ADGRL3: variants seen among roughly 807,000 people sequenced by gnomAD.
ADGRL3 encodes the protein calcium-independent alpha-latrotoxin receptor 3.
Under a neutral mutation model 153.5 loss-of-function variants are expected in ADGRL3, and 62 were observed. The ratio of observed to expected loss-of-function variants is 0.40; its 90% CI spans 0.33 to 0.50. The LOEUF (loss-of-function observed/expected upper bound fraction) is 0.50, where lower values mean the gene tolerates loss of function less well. ADGRL3 is among the 20% of genes least tolerant of loss of function. ADGRL3 has a pLI of 0.47. For synonymous variants in ADGRL3, 710 were observed against 672.5 expected, an observed-to-expected ratio of 1.06 and a Z score of -0.86; for missense variants, 1,641 against 1,859.4, an observed-to-expected ratio of 0.88 and a Z score of 2.16.
intron 5 of ADGRL3, among the ~76,000 whole-genome samples, chr4:61,637,089 C>T (rs1261674229): frequency 1.4e-4 from 21 of 152,144 alleles, no homozygotes; most frequent in Admixed American, 1.3e-3. Context: ...CAGAGAGCCA[C>T]TGTTACAGGT....
chr4:61,947,807 CTT>C (rs1452443673), intron 16 of ADGRL3, among the ~76,000 whole-genome samples: 2 of 152,102 alleles, frequency 1.3e-5, no homozygotes, highest in African/African-American at 4.8e-5. Context: ...CAATTAACCT[CTT>C]TATTTTGCAA....
intron 25 of ADGRL3, among the ~76,000 whole-genome samples, chr4:62,055,372 TA>T (rs1288720298): frequency 6.6e-6 from 1 of 151,776 alleles, no homozygotes; most frequent in African/African-American, 2.4e-5. Context: ...AATTAGCTAT[TA>T]AAAGAAGCTG....
In ADGRL3 at chr4:61,561,310, A is replaced by G. The variant is rs150727171; in HGVS notation, c.260-25917A>G. On this transcript the variant is annotated intron_variant, in intron 4 of 26. Transcript: ENST00000683033. ...ATCTTCTGGTTTAAGACAATTGTTG[A>G]GAAAGTAATGTATATGTTGGAAAAT... Among the ~76,000 whole-genome samples the G allele has an allele frequency of 8.3e-4, 127 of 152,294 alleles. No homozygotes were observed. The East Asian group carries it at 0.022, about 26-fold the overall frequency.
At chr4:61,341,985 G>T (rs1466616316) in intron 1 of ADGRL3, among the ~76,000 whole-genome samples, 1 of 152,024 alleles carries the variant, frequency 6.6e-6, no homozygotes, top group Non-Finnish European at 1.5e-5. Flanking sequence ...ATAGGAGCTT[G>T]ATATTTTCAG....
At chr4:61,840,054 C>G (rs141364934) in intron 9 of ADGRL3, among the ~76,000 whole-genome samples, 321 of 151,172 alleles carry the variant, frequency 2.1e-3, no homozygotes, top group African/African-American at 7.5e-3. Context: ...ATGAATTAAC[C>G]ATCAACTAGT....
chr4:61,877,110 G>A (rs1004052091), intron 9 of ADGRL3, among the ~76,000 whole-genome samples: 3 of 152,058 alleles, frequency 2.0e-5, no homozygotes, highest in Non-Finnish European at 4.4e-5. Context: ...TGATGAAATC[G>A]ATGGGAGTTT....
At chr4:61,271,027 C>T (rs2093143833) in intron 1 of ADGRL3, among the ~76,000 whole-genome samples, 1 of 151,626 alleles carries the variant, frequency 6.6e-6, no homozygotes, top group Admixed American at 6.6e-5. Context: ...GACACCTTCC[C>T]TTAGAAAATG....
At chr4:61,980,597 G>A (rs185381409) in intron 18 of ADGRL3, among the ~76,000 whole-genome samples, 11 of 151,794 alleles carry the variant, frequency 7.2e-5, no homozygotes, top group African/African-American at 2.2e-4. Context: ...TTGCCACCAA[G>A]CCCAGCTAAT....
intron 8 of ADGRL3, among the ~76,000 whole-genome samples, chr4:61,781,506 G>A (rs565529022): frequency 1.4e-4 from 21 of 152,142 alleles, no homozygotes; most frequent in African/African-American, 5.1e-4. Context: ...TAGTGAGTTA[G>A]GGTGAGTAGT....
intron 1 of ADGRL3, among the ~76,000 whole-genome samples, chr4:61,312,936 C>A (rs2095065727): frequency 6.6e-6 from 1 of 152,120 alleles, no homozygotes; most frequent in African/African-American, 2.4e-5. Flanking sequence ...TTTGCAGCAG[C>A]CTCATTCTTA....
intron 9 of ADGRL3, among the ~76,000 whole-genome samples, chr4:61,874,789 CTTTTTTTTTTTTT>C (rs11432355): frequency 2.0e-4 from 12 of 61,520 alleles, no homozygotes; most frequent in East Asian, 1.9e-3. Context: ...TCAAAATGCT[CTTTTTTTTTTTTT>C]TTTTTTTTTT....
intron 2 of ADGRL3, among the ~76,000 whole-genome samples, chr4:61,479,221 C>T (rs2098103929): frequency 6.6e-6 from 1 of 152,020 alleles, no homozygotes; most frequent in East Asian, 1.9e-4. Flanking sequence ...CTAAGTTTTC[C>T]TTATATAATC....
At chr4:61,265,046 G>A (rs2092764085) in intron 1 of ADGRL3, among the ~76,000 whole-genome samples, 1 of 151,848 alleles carries the variant, frequency 6.6e-6, no homozygotes, top group Non-Finnish European at 1.5e-5. Context: ...CTTGGAAAAG[G>A]TAGGGAAGAA....
chr4:61,378,173 A>G (rs2096626748), intron 1 of ADGRL3, among the ~76,000 whole-genome samples: 1 of 152,112 alleles, frequency 6.6e-6, no homozygotes, highest in African/African-American at 2.4e-5. Context: ...TAGGACCCCC[A>G]TTGTTCTTAC....
chr4:61,567,373 A>G (rs534369259), intron 4 of ADGRL3, among the ~76,000 whole-genome samples: 1 of 152,274 alleles, frequency 6.6e-6, no homozygotes, highest in Non-Finnish European at 1.5e-5. Flanking sequence ...CTAATGACCA[A>G]TATGATATCA....
rs553624351 is a variant in ADGRL3 at position 61,412,799 on chromosome 4, A to G, written c.-174+29610A>G. ...TAGAGACTTTCTATTTGTTGCTAAG[A>G]TGGTGTTCTATCATTTGTTTTCATG... On this transcript the variant is annotated intron_variant, in intron 2 of 26. Coordinates refer to ENST00000683033, the MANE Select transcript of ADGRL3 (RefSeq NM_001387552.1). Among the ~76,000 whole-genome samples the G allele has an allele frequency of 2.6e-4, 39 of 152,048 alleles. No individual in the cohort carries two copies. The East Asian group carries it at 5.0e-3, about 20-fold the overall frequency.
chr4:61,286,081 G>C lies in ADGRL3; in HGVS notation c.-240+84316G>C, dbSNP rs566513959. Among the ~76,000 whole-genome samples the C allele has an allele frequency of 6.5e-4, 98 of 150,980 alleles. 3 individuals carry two copies. The highest frequency in any genetic ancestry group is 3.0e-4 in the Non-Finnish European group (20 of 67,580). ...TCAGAATCATTTAAAAATGAAACTA[G>C]ATCTTAAATATATTAAAATATTTTG... On this transcript the variant is annotated intron_variant, in intron 1 of 26. Transcript: ENST00000683033.
intron 1 of ADGRL3, among the ~76,000 whole-genome samples, chr4:61,369,602 C>G (rs1004692883): frequency 6.6e-6 from 1 of 152,064 alleles, no homozygotes; most frequent in Non-Finnish European, 1.5e-5. Flanking sequence ...GGTGGATAAG[C>G]TTTTTGATGT....
chr4:61,795,518 TC>T (rs140781104), intron 8 of ADGRL3, among the ~76,000 whole-genome samples: 1 of 152,306 alleles, frequency 6.6e-6, no homozygotes, highest in East Asian at 1.9e-4. Flanking sequence ...ATTGAGCAAA[TC>T]ATTTGAACTC....
Sources: gnomAD v4.1 joint callset for allele counts (sites outside exome capture counted in the v4.1 genomes callset) on GRCh38, gnomAD v4.1.1 for gene constraint, MANE v1.5 for transcripts, NCBI Gene and HGNC (gene_info 2026-07-23, HGNC 2026-07-21) for gene names.